Variants in PLCG2 observed in about 807,000 individuals in gnomAD.
PLCG2 encodes the protein phospholipase C gamma 2.
Under a neutral mutation model 175.6 loss-of-function variants are expected in PLCG2, and 69 were observed. The observed-to-expected ratio is 0.39, with a 90% CI of 0.32 to 0.48. PLCG2 has a LOEUF of 0.48. Among genes scored for constraint, PLCG2 ranks in the 20% least tolerant of loss-of-function variants. The pLI is 0.91. For synonymous variants in PLCG2, 827 were observed against 624.0 expected, an observed-to-expected ratio of 1.33 and a Z score of -4.85; for missense variants, 1,798 against 1,650.9, an observed-to-expected ratio of 1.09 and a Z score of -1.54.
intron 1 of PLCG2, among the ~76,000 whole-genome samples, chr16:81,752,313 C>T (rs1325035543): frequency 6.6e-6 from 1 of 152,136 alleles, no homozygotes; most frequent in Non-Finnish European, 1.5e-5. Context: ...CCAAGAAGCA[C>T]CCGGCCAGCT....
At chr16:81,838,081 A>AT (rs869179663) in intron 2 of PLCG2, among the ~76,000 whole-genome samples, 162 of 62,156 alleles carry the variant, frequency 2.6e-3, no homozygotes, top group African/African-American at 7.1e-3. Context: ...AAAGATACTA[A>AT]TTTTCTTTTT....
chr16:81,849,675 G>T (rs567813820), intron 2 of PLCG2, among the ~76,000 whole-genome samples: 1 of 150,978 alleles, frequency 6.6e-6, no homozygotes, highest in South Asian at 2.1e-4. Context: ...GGAGGCTGAG[G>T]CAGGAGAATC....
intron 2 of PLCG2, among the ~76,000 whole-genome samples, chr16:81,760,450 C>G (rs535762359): frequency 6.6e-6 from 1 of 152,290 alleles, no homozygotes; most frequent in African/African-American, 2.4e-5. Context: ...GCTGGTACGT[C>G]TGACTATGGG....
intron 2 of PLCG2, among the ~76,000 whole-genome samples, chr16:81,840,456 G>A (rs1905762963): frequency 6.6e-6 from 1 of 152,180 alleles, no homozygotes; most frequent in African/African-American, 2.4e-5. Context: ...AATATATAAT[G>A]AAATAATTAT....
chr16:81,761,408 A>G (rs1436649049), intron 2 of PLCG2, among the ~76,000 whole-genome samples: 1 of 152,196 alleles, frequency 6.6e-6, no homozygotes, highest in Non-Finnish European at 1.5e-5. Flanking sequence ...ATGTAAGTGT[A>G]TTGTAATTAT....
intron 2 of PLCG2, among the ~76,000 whole-genome samples, chr16:81,819,399 C>G (rs532188365): frequency 6.6e-6 from 1 of 152,118 alleles, no homozygotes; most frequent in Non-Finnish European, 1.5e-5. Context: ...TCCTGCGAAT[C>G]CCCTTGTGCA....
chr16:81,769,485 AG>A (rs1910226109), intron 2 of PLCG2, among the ~76,000 whole-genome samples: 1 of 152,166 alleles, frequency 6.6e-6, no homozygotes, highest in Admixed American at 6.5e-5. Flanking sequence ...GAGAGGTGAG[AG>A]TCCTCTGTAG....
intron 20 of PLCG2, 33 bp downstream of exon 20, chr16:81,919,697 A>T: frequency 6.3e-7 from 1 of 1,581,522 alleles, no homozygotes; most frequent in African/African-American, 1.3e-5. Context: ...ATTTGGTGGG[A>T]TTTCTTGTCT....
chr16:81,747,877 GACTT>G (rs1375834610), intron 1 of PLCG2, among the ~76,000 whole-genome samples: 1 of 152,060 alleles, frequency 6.6e-6, no homozygotes, highest in African/African-American at 2.4e-5. Flanking sequence ...TTAAATGAAT[GACTT>G]TTTTTCTTTC....
At chr16:81,845,523 C>T (rs893040692) in intron 2 of PLCG2, among the ~76,000 whole-genome samples, 1 of 152,210 alleles carries the variant, frequency 6.6e-6, no homozygotes, top group Admixed American at 6.5e-5. Context: ...AGCTGGGACT[C>T]CAGGTTCCAG....
Position 81,900,309 on chromosome 16 carries a change from AAGATT to A in PLCG2, c.1194-299_1194-295del, listed in dbSNP as rs532551218. Among the ~76,000 whole-genome samples, 93 of 152,312 alleles carry A rather than the reference AAGATT, an allele frequency of 6.1e-4. 2 individuals are homozygous for A. In the Middle Eastern group the frequency reaches 0.02, roughly 33 times the overall value. The stretch of plus-strand genomic sequence containing the variant: ...TTTCTGTAGGTTTGAACTTGAAAAA[AAGATT>A]AGAGACTTTTTTCTGTAAGTTTAAA... On this transcript the variant is annotated intron_variant, in intron 13 of 32. Coordinates refer to ENST00000564138, the MANE Select transcript of PLCG2 (RefSeq NM_002661.5).
intron 2 of PLCG2, among the ~76,000 whole-genome samples, chr16:81,766,363 C>T (rs28552961): frequency 0.24 from 37,187 of 152,120 alleles, 4,912 homozygotes; most frequent in Middle Eastern, 0.43. Flanking sequence ...ACCCTGCCCT[C>T]AAGCTCTGCA....
intron 6 of PLCG2, 131 bp from the exon 7 acceptor site, chr16:81,870,721 C>T (rs1400536026): frequency 5.7e-6 from 3 of 529,068 alleles, no homozygotes; most frequent in South Asian, 2.8e-5. Flanking sequence ...ACAATGTGGT[C>T]ATAGCTGTCT....
At chr16:81,837,009 G>T (rs1905552442) in intron 2 of PLCG2, among the ~76,000 whole-genome samples, 2 of 152,156 alleles carry the variant, frequency 1.3e-5, no homozygotes, top group Non-Finnish European at 2.9e-5. Flanking sequence ...AGGAAGTTGA[G>T]GACCAGCGTT....
intron 31 of PLCG2, among the ~76,000 whole-genome samples, chr16:81,954,934 G>A (rs1189450066): frequency 6.6e-6 from 1 of 152,162 alleles, no homozygotes; most frequent in Admixed American, 6.5e-5. Context: ...CACAATGGTT[G>A]AACTAATTTT....
At position 81,844,195 on chromosome 16, in the gene PLCG2, G is replaced by A. The variant is rs189792137; in HGVS notation, c.194-10249G>A. On this transcript the variant is annotated intron_variant, in intron 2 of 32. Coordinates refer to ENST00000564138, the MANE Select transcript of PLCG2 (RefSeq NM_002661.5). ...ATTTTTAGTAGAGACGAGGTTTCAC[G>A]TGTTAGCCAGGATGGTCTCTATCTC... Among the ~76,000 whole-genome samples, 37 of 137,706 alleles carry A rather than the reference G, an allele frequency of 2.7e-4. 3 individuals carry two copies. Among genetic ancestry groups the A allele is most frequent in the Admixed American group, 2.5e-3 (31 of 12,216 alleles). 90.3% of individuals were successfully genotyped at this position (137,706 alleles called of 152,430 possible).
rs373752237 is a variant in PLCG2 at position 81,912,687 on chromosome 16, G to C, written c.2025G>C (p.Glu675Asp). ...RDGAFLIRKREGSDSYAITFR... is the reference protein window; with the variant it reads ...RDGAFLIRKRDGSDSYAITFR... ...GGGCCTTCCTGATCCGGAAGCGAGA[G>C]GGGAGCGACTCCTATGCCATCACCT... is the stretch of plus-strand genomic sequence containing the variant. Residue 675 changes from glutamate to aspartate, a missense_variant, in exon 19 of 33, where the codon GAG (glutamate) becomes GAC (aspartate). Transcript: ENST00000564138. The C allele has an allele frequency of 1.9e-6, 3 of 1,611,546 alleles. No individual in the cohort carries two copies. Among genetic ancestry groups the C allele is most frequent in the Non-Finnish European group, 2.5e-6 (3 of 1,178,838 alleles).
At chr16:81,772,710 C>T (rs564819936) in intron 2 of PLCG2, among the ~76,000 whole-genome samples, 30 of 150,988 alleles carry the variant, frequency 2.0e-4, no homozygotes, top group Admixed American at 1.3e-3. Flanking sequence ...CCCAGCTACT[C>T]GGGAGGCTGA....
chr16:81,755,648 C>T (rs541800205), intron 1 of PLCG2, among the ~76,000 whole-genome samples: 1 of 152,220 alleles, frequency 6.6e-6, no homozygotes, highest in South Asian at 2.1e-4. Flanking sequence ...CCCTCAGCGT[C>T]CCGAGTAGCT....
Sources: gnomAD v4.1 joint callset for allele counts (sites outside exome capture counted in the v4.1 genomes callset) on GRCh38, gnomAD v4.1.1 for gene constraint, MANE v1.5 for transcripts, NCBI Gene and HGNC (gene_info 2026-07-23, HGNC 2026-07-21) for gene names.